TRPV5: variants seen among roughly 807,000 people sequenced by gnomAD.
The protein encoded by TRPV5 is transient receptor potential cation channel subfamily V member 5.
TRPV5 carries 66 observed loss-of-function variants against 74.1 expected under a neutral mutation model. That is an observed-to-expected ratio of 0.89 (90% CI 0.73 to 1.09). The LOEUF is 1.09. Ranked by LOEUF, TRPV5 falls within the 50% of genes least tolerant of loss-of-function variation. The pLI, the probability that TRPV5 is intolerant of heterozygous loss-of-function variation, is 0.00. For synonymous variants in TRPV5, 399 were observed against 360.7 expected, an observed-to-expected ratio of 1.11 and a Z score of -1.20; for missense variants, 936 against 930.4, an observed-to-expected ratio of 1.01 and a Z score of -0.08.
intron 7 of TRPV5, 139 bp downstream of exon 7, chr7:142,927,949 G>T: frequency 9.8e-7 from 1 of 1,022,172 alleles, no homozygotes; most frequent in Non-Finnish European, 1.4e-6. Flanking sequence ...TTTCCCCCAT[G>T]TCCCAGGAGA....
rs572938757 is a variant in TRPV5 at position 142,933,153 on chromosome 7, G to A, written c.128+179C>T. Among the ~76,000 whole-genome samples the A allele has an allele frequency of 7.9e-5, 12 of 152,226 alleles. No individual in the cohort carries two copies. In the East Asian group the frequency reaches 1.5e-3, roughly 20 times the overall value. Reference sequence around the variant, plus strand: ...GTGGCCCAAAGCCACATCCTCCACCGCCACTAAAAGGGGCCAGCTGGGATT... The same window carrying A: ...GTGGCCCAAAGCCACATCCTCCACCACCACTAAAAGGGGCCAGCTGGGATT... On this transcript the variant is annotated intron_variant, in intron 1 of 14. Coordinates refer to ENST00000265310, the MANE Select transcript of TRPV5 (RefSeq NM_019841.7).
At chr7:142,924,325 TGTATATATATAC>T (rs1795940934) in intron 8 of TRPV5, among the ~76,000 whole-genome samples, 1 of 12,814 alleles carries the variant, frequency 7.8e-5, no homozygotes, top group Non-Finnish European at 2.4e-4. Context: ...CACATATACA[TGTATATATATAC>T]ATATATATAT....
intron 1 of TRPV5, among the ~76,000 whole-genome samples, chr7:142,930,868 C>T (rs943626817): frequency 2.6e-5 from 4 of 152,090 alleles, no homozygotes; most frequent in Non-Finnish European, 5.9e-5. Flanking sequence ...TGCTCCTGGG[C>T]CTGCTGAATC....
chr7:142,931,827 G>T (rs963721038), intron 1 of TRPV5, among the ~76,000 whole-genome samples: 1 of 151,978 alleles, frequency 6.6e-6, no homozygotes, highest in Admixed American at 6.5e-5. Flanking sequence ...TCAGCCTCCC[G>T]AGTAGCTGGG....
Position 142,933,601 on chromosome 7 carries a change from T to C in TRPV5, c.-142A>G. Reference sequence around the variant, plus strand: ...TCCTGTATGACTTGTGTATGCAGCATGCAGCTTGTAGGTGTGTGTGTGTGC... The same window carrying C: ...TCCTGTATGACTTGTGTATGCAGCACGCAGCTTGTAGGTGTGTGTGTGTGC... On this transcript the variant is annotated 5_prime_UTR_variant, in exon 1 of 15. It removes an upstream start codon present in the reference 5' UTR. Coordinates refer to ENST00000265310, the MANE Select transcript of TRPV5 (RefSeq NM_019841.7). 4 of 1,171,538 alleles carry C rather than the reference T, an allele frequency of 3.4e-6. No homozygotes were observed. The highest frequency in any genetic ancestry group is 4.7e-5 in the East Asian group (2 of 42,170). The allele number at this position is 1,171,538 out of a possible 1,614,324, so 72.6% of individuals were successfully genotyped here.
Position 142,917,567 on chromosome 7 carries a change from T to C in TRPV5, c.1123-1999A>G, listed in dbSNP as rs889343688. On this transcript the variant is annotated intron_variant, in intron 8 of 14. Transcript: ENST00000265310. ...GAAACCCCTCTAATGCTGGGGACAG[T>C]TTTGGTCACCAAATTCTCCTGCTGG... Among the ~76,000 whole-genome samples, 3 of 152,196 alleles carry C rather than the reference T, an allele frequency of 2.0e-5. 1 individual carries two copies. Among genetic ancestry groups the C allele is most frequent in the African/African-American group, 7.2e-5 (3 of 41,432 alleles).
rs1385204472 is a variant in TRPV5 at position 142,930,102 on chromosome 7, G to T, written c.305C>A (p.Ala102Asp). 6.2e-7 allele frequency: 1 copy of T among 1,614,060 alleles called. No homozygotes were observed. The highest frequency in any genetic ancestry group is 8.5e-7 in the Non-Finnish European group (1 of 1,180,052). ...GGTGGGCTCAAAGACCAGCTCTGGG[G>T]CAGCCTCCATCAGCACCAAGGCCGC... The part of the protein sequence containing the change: ...LEAALVLMEA[A>D]PELVFEPTTC... The change falls in exon 3 of 15, where the codon GCC becomes GAC. Residue 102 changes from alanine (A) to aspartate (D), a missense_variant. Physicochemically the swap from Ala to Asp is moderately radical, Grantham distance 126 (BLOSUM62 -2). Coordinates refer to ENST00000265310, the MANE Select transcript of TRPV5 (RefSeq NM_019841.7).
rs1563368006 is a variant in TRPV5 at position 142,908,782 on chromosome 7, G to A, written c.1922C>T (p.Pro641Leu). 6.2e-7 allele frequency: 1 copy of A among 1,613,040 alleles called. No individual in the cohort carries two copies. Among genetic ancestry groups the A allele is most frequent in the South Asian group, 1.1e-5 (1 of 91,058 alleles). Residue 641 changes from proline (P) to leucine (L), a missense_variant, in exon 15 of 15, where the codon CCT (proline) becomes CTT (leucine). By Grantham distance (98) the Pro-to-Leu change is moderately conservative. Transcript: ENST00000265310. The stretch of plus-strand genomic sequence containing the variant: ...TTCCACATAGCGAAGCACTCGCAGA[G>A]GATTCTGATCATTGTGGTTCTCAAC... ...LRVENHNDQN[P>L]LRVLRYVEVF...
intron 8 of TRPV5, among the ~76,000 whole-genome samples, chr7:142,922,277 A>G (rs1300295559): frequency 1.3e-5 from 2 of 152,214 alleles, no homozygotes; most frequent in Non-Finnish European, 2.9e-5. Flanking sequence ...GATTAGCAAA[A>G]TATTTCTGGG....
chr7:142,912,796 T>C, intron 12 of TRPV5, 46 bp from the exon 13 acceptor site: 4 of 1,592,178 alleles, frequency 2.5e-6, no homozygotes, highest in East Asian at 2.2e-5. Context: ...AATGGAGTTA[T>C]CACAATAAGC....
intron 12 of TRPV5, 34 bp from the exon 13 acceptor site, chr7:142,912,784 A>G: frequency 6.2e-7 from 1 of 1,601,038 alleles, no homozygotes; most frequent in Non-Finnish European, 8.5e-7. Context: ...TGGAGATGGG[A>G]TAATGGAGTT....
intron 8 of TRPV5, among the ~76,000 whole-genome samples, chr7:142,917,368 T>C (rs1472287941): frequency 2.0e-5 from 3 of 152,168 alleles, no homozygotes. Context: ...AATATTTTTA[T>C]TTTAAAAATG....
chr7:142,916,149 T>A (rs1338505019), intron 8 of TRPV5, among the ~76,000 whole-genome samples: 1 of 152,240 alleles, frequency 6.6e-6, no homozygotes, highest in African/African-American at 2.4e-5. Flanking sequence ...AAGCTTACAT[T>A]AATGATATAT....
At position 142,908,357 on chromosome 7, in the gene TRPV5, T is replaced by C; in HGVS notation, c.*157A>G. 5.1e-6 allele frequency: 4 copies of C among 781,566 alleles called. No individual in the cohort carries two copies. Among genetic ancestry groups the C allele is most frequent in the Non-Finnish European group, 6.1e-6 (3 of 490,632 alleles). The allele number at this position is 781,566 out of a possible 1,614,324, so 48.4% of individuals were successfully genotyped here. A position where few individuals can be genotyped will look rare whatever the true frequency, so the allele number is the denominator to read the frequency against. On this transcript the variant is annotated 3_prime_UTR_variant, in exon 15 of 15. Transcript: ENST00000265310. Reference sequence around the variant, plus strand: ...CATTGCCCATTGCCAGAAATTCTGATGTGAAGTGTGAGGCATGACCCTTTA... The same window carrying C: ...CATTGCCCATTGCCAGAAATTCTGACGTGAAGTGTGAGGCATGACCCTTTA...
intron 14 of TRPV5, 93 bp from the exon 15 acceptor site, chr7:142,908,901 G>A (rs1795661219): frequency 7.6e-7 from 1 of 1,308,002 alleles, no homozygotes. Flanking sequence ...AGGGTCAAGA[G>A]GGAAGCAGAA....
chr7:142,929,451 C>A lies in TRPV5; in HGVS notation c.464G>T (p.Ser155Ile). The A allele has an allele frequency of 3.7e-6, 6 of 1,614,180 alleles. No individual in the cohort carries two copies. In the South Asian group the frequency reaches 6.6e-5, roughly 18 times the overall value. ...ACCAAAGTAGATGAGGTTGCGGGGA[C>A]TATGGCGGAAGGCAGTGCCTGTGGC... ...ARATGTAFRH[S>I]PRNLIYFGEH... is the part of the protein sequence containing the mutation. Residue 155 changes from serine (S) to isoleucine (I), a missense_variant, in exon 4 of 15, where the codon AGT becomes ATT. Physicochemically the swap from Ser to Ile is moderately radical, Grantham distance 142. Coordinates refer to ENST00000265310, the MANE Select transcript of TRPV5 (RefSeq NM_019841.7).
At chr7:142,909,116 C>T (rs536100791) in intron 14 of TRPV5, among the ~76,000 whole-genome samples, 3 of 151,994 alleles carry the variant, frequency 2.0e-5, no homozygotes, top group Admixed American at 6.5e-5. Context: ...AATAGATAAG[C>T]GTGTCACAAG....
Position 142,909,608 on chromosome 7 carries a change from C to G in TRPV5, c.1789-12G>C. 6.2e-7 allele frequency: 1 copy of G among 1,612,254 alleles called. No individual in the cohort carries two copies. Among genetic ancestry groups the G allele is most frequent in the Non-Finnish European group, 8.5e-7 (1 of 1,179,440 alleles). The stretch of plus-strand genomic sequence containing the variant: ...GTGGTGGCCACGACCTGGAAGGAGG[C>G]AGGAGATACAGGAAGAACTCTGAAA... On this transcript the variant is annotated splice_polypyrimidine_tract_variant and intron_variant, in intron 13 of 14. Transcript: ENST00000265310.
chr7:142,915,726 CTG>C (rs543223869), intron 8 of TRPV5, among the ~76,000 whole-genome samples, 158 bp from the exon 9 acceptor site: 68 of 152,344 alleles, frequency 4.5e-4, no homozygotes, highest in African/African-American at 1.6e-3. Flanking sequence ...GTGGGTAACT[CTG>C]TGACCAGGAC....
Sources: gnomAD v4.1 joint callset for allele counts (sites outside exome capture counted in the v4.1 genomes callset) on GRCh38, gnomAD v4.1.1 for gene constraint, MANE v1.5 for transcripts, NCBI Gene and HGNC (gene_info 2026-07-23, HGNC 2026-07-21) for gene names.